PKP4: variants seen among roughly 807,000 people sequenced by gnomAD.
PKP4 encodes the protein plakophilin 4.
Under a neutral mutation model 145.1 loss-of-function variants are expected in PKP4, and 90 were observed. That is an observed-to-expected ratio of 0.62 (90% CI 0.52 to 0.74). The LOEUF is 0.74. PKP4 is among the 30% of genes least tolerant of loss of function. PKP4 has a pLI of 0.00. For synonymous variants in PKP4, 563 were observed against 577.2 expected (o/e 0.98, Z 0.35); for missense variants, 1,340 against 1,482.7 (o/e 0.90, Z 1.58).
At chr2:158,536,137 C>T (rs915969530) in intron 2 of PKP4, among the ~76,000 whole-genome samples, 1 of 152,088 alleles carries the variant, frequency 6.6e-6, no homozygotes, top group Non-Finnish European at 1.5e-5. Flanking sequence ...ATTCAGTGAG[C>T]CCTTTTTTTG....
chr2:158,651,565 C>T (rs564226689), intron 11 of PKP4, among the ~76,000 whole-genome samples: 1 of 152,188 alleles, frequency 6.6e-6, no homozygotes, highest in Non-Finnish European at 1.5e-5. Context: ...CTGCTTCTTT[C>T]CCAGGCTATA....
At chr2:158,590,595 A>G (rs1409962351) in intron 3 of PKP4, among the ~76,000 whole-genome samples, 5 of 152,090 alleles carry the variant, frequency 3.3e-5, no homozygotes, top group South Asian at 2.1e-4. Context: ...GCAAAAGTGT[A>G]TCTGTTTTCT....
chr2:158,571,359 C>T (rs529673139), intron 2 of PKP4, among the ~76,000 whole-genome samples: 195 of 152,198 alleles, frequency 1.3e-3, no homozygotes, highest in Middle Eastern at 6.8e-3. Context: ...GCTATGGTTG[C>T]GGATCCTGCT....
At chr2:158,467,672 G>A (rs1044496581) in intron 1 of PKP4, among the ~76,000 whole-genome samples, 2 of 151,836 alleles carry the variant, frequency 1.3e-5, no homozygotes, top group African/African-American at 2.4e-5. Flanking sequence ...ATAGCCAGAC[G>A]CTGTCTCTAA....
intron 1 of PKP4, among the ~76,000 whole-genome samples, chr2:158,499,525 G>A (rs1696243756): frequency 6.6e-6 from 1 of 152,194 alleles, no homozygotes; most frequent in African/African-American, 2.4e-5. Flanking sequence ...GTCTGCATTT[G>A]AGTTAGAATA....
At chr2:158,497,497 T>C (rs913973802) in intron 1 of PKP4, among the ~76,000 whole-genome samples, 1 of 152,180 alleles carries the variant, frequency 6.6e-6, no homozygotes, top group African/African-American at 2.4e-5. Flanking sequence ...TTAAATTGTT[T>C]TCTTTTAATT....
intron 1 of PKP4, among the ~76,000 whole-genome samples, chr2:158,473,948 ACT>A (rs1478413246): frequency 6.6e-6 from 1 of 152,002 alleles, no homozygotes; most frequent in Non-Finnish European, 1.5e-5. Context: ...AAAGGGGAGG[ACT>A]CTGATTTTTC....
At chr2:158,601,748 G>A (rs1022217665) in intron 3 of PKP4, among the ~76,000 whole-genome samples, 1 of 152,114 alleles carries the variant, frequency 6.6e-6, no homozygotes, top group African/African-American at 2.4e-5. Context: ...CTGTGATGGA[G>A]AAAAGGCAAA....
intron 3 of PKP4, among the ~76,000 whole-genome samples, chr2:158,582,805 T>G (rs761098268): frequency 4.6e-5 from 7 of 152,170 alleles, no homozygotes; most frequent in Non-Finnish European, 1.0e-4. Flanking sequence ...AAGAGTAATT[T>G]TCCACGGGGC....
chr2:158,595,830 G>A (rs916706454), intron 3 of PKP4, among the ~76,000 whole-genome samples: 6 of 151,986 alleles, frequency 3.9e-5, no homozygotes, highest in Non-Finnish European at 8.8e-5. Context: ...ATTTCCTTGG[G>A]GAGGGGAAAA....
rs1319073091 is a variant in PKP4 at position 158,584,279 on chromosome 2, A to C, written c.245+6896A>C. Among the ~76,000 whole-genome samples, 7 of 152,202 alleles carry C rather than the reference A, an allele frequency of 4.6e-5. No individual in the cohort carries two copies. In the South Asian group the frequency reaches 1.2e-3, roughly 27 times the overall value. ...ATTGGCTCCTCAGCCAAGCACGTAC[A>C]CCAAATTTAATGGTTTCCACGTGCC... On this transcript the variant is annotated intron_variant, in intron 3 of 21. Coordinates refer to ENST00000389759, the MANE Select transcript of PKP4 (RefSeq NM_003628.6).
intron 1 of PKP4, among the ~76,000 whole-genome samples, chr2:158,493,018 A>G (rs1192214627): frequency 6.6e-6 from 1 of 152,062 alleles, no homozygotes; most frequent in Non-Finnish European, 1.5e-5. Context: ...AAAATATTGA[A>G]AGCCTTATAA....
intron 2 of PKP4, among the ~76,000 whole-genome samples, chr2:158,539,369 A>G (rs939694624): frequency 2.6e-5 from 4 of 152,178 alleles, no homozygotes; most frequent in African/African-American, 9.6e-5. Flanking sequence ...ATTCCTCTGG[A>G]ACTGAAACAA....
chr2:158,533,073 G>C, intron 1 of PKP4, 107 bp from the exon 2 acceptor site: 4 of 1,118,432 alleles, frequency 3.6e-6, no homozygotes, highest in Middle Eastern at 3.1e-4. Context: ...TTTGATCATG[G>C]TGTGTAGACT....
intron 2 of PKP4, chr2:158,533,567 T>C (rs1052196969): frequency 1.5e-4 from 83 of 569,586 alleles, no homozygotes; most frequent in African/African-American, 1.3e-3. Flanking sequence ...TCGGTGTCTC[T>C]GTCTCTCCCA....
chr2:158,470,343 A>C (rs796506769), intron 1 of PKP4, among the ~76,000 whole-genome samples: 3 of 152,202 alleles, frequency 2.0e-5, no homozygotes, highest in African/African-American at 7.2e-5. Context: ...TCAAACCTTA[A>C]TTACTCTCCT....
intron 2 of PKP4, among the ~76,000 whole-genome samples, chr2:158,568,471 G>A (rs1028467098): frequency 1.3e-5 from 2 of 152,218 alleles, no homozygotes; most frequent in South Asian, 2.1e-4. Flanking sequence ...AACACAGTAG[G>A]TGGGGAAGTA....
chr2:158,641,204 G>A (rs1232392493), intron 10 of PKP4, among the ~76,000 whole-genome samples: 1 of 152,092 alleles, frequency 6.6e-6, no homozygotes, highest in Non-Finnish European at 1.5e-5. Flanking sequence ...GGACATGGTG[G>A]TGCATGGCCT....
At chr2:158,478,361 T>G (rs1692819590) in intron 1 of PKP4, among the ~76,000 whole-genome samples, 1 of 152,060 alleles carries the variant, frequency 6.6e-6, no homozygotes, top group African/African-American at 2.4e-5. Context: ...GCTGTGGTTT[T>G]GATTTTCATA....
Sources: gnomAD v4.1 joint callset for allele counts (sites outside exome capture counted in the v4.1 genomes callset) on GRCh38, gnomAD v4.1.1 for gene constraint, MANE v1.5 for transcripts, NCBI Gene and HGNC (gene_info 2026-07-23, HGNC 2026-07-21) for gene names.